ABI3BP: variants seen among roughly 807,000 people sequenced by gnomAD.
The protein encoded by ABI3BP is target of Nesh-SH3.
ABI3BP carries 216 observed loss-of-function variants against 268.6 expected under a neutral mutation model. The ratio of observed to expected loss-of-function variants is 0.80; its 90% CI spans 0.72 to 0.90. ABI3BP has a LOEUF of 0.90. ABI3BP is among the 40% of genes least tolerant of loss of function. The pLI is 0.00. For synonymous variants in ABI3BP, 730 were observed against 730.0 expected, an observed-to-expected ratio of 1.00 and a Z score of 0.00; for missense variants, 2,090 against 2,182.4, an observed-to-expected ratio of 0.96 and a Z score of 0.84.
chr3:100,898,781 T>C lies in ABI3BP; in HGVS notation c.442A>G (p.Ser148Gly). ...TATTACCTGTCATTGGGACAGTGACTTGGCAATGTCCAGTCATGGTGTGGG... is the reference window on the plus strand; with the variant it reads ...TATTACCTGTCATTGGGACAGTGACCTGGCAATGTCCAGTCATGGTGTGGG... ...INPHHDWTLP[S>G]HCPNDRFYTI... Residue 148 changes from serine to glycine, a missense_variant, in exon 4 of 68, where the codon AGT becomes GGT. Physicochemically the swap from Ser to Gly is moderately conservative, Grantham distance 56. Coordinates refer to ENST00000471714, the MANE Select transcript of ABI3BP (RefSeq NM_001375547.2). 1 of 1,613,542 alleles carries C rather than the reference T, an allele frequency of 6.2e-7. No homozygotes were observed. The highest frequency in any genetic ancestry group is 8.5e-7 in the Non-Finnish European group (1 of 1,179,714).
At chr3:100,962,964 T>C (rs2079674123) in intron 1 of ABI3BP, among the ~76,000 whole-genome samples, 1 of 152,158 alleles carries the variant, frequency 6.6e-6, no homozygotes, top group African/African-American at 2.4e-5. Context: ...CACCTCAGAC[T>C]CACTAAGTCT....
intron 3 of ABI3BP, among the ~76,000 whole-genome samples, chr3:100,902,044 A>G (rs1344719892): frequency 6.6e-6 from 1 of 152,140 alleles, no homozygotes; most frequent in African/African-American, 2.4e-5. Context: ...TATTATTTTT[A>G]TTTTATGGAA....
chr3:100,904,873 A>C (rs2052493751), intron 2 of ABI3BP, among the ~76,000 whole-genome samples: 1 of 152,202 alleles, frequency 6.6e-6, no homozygotes, highest in African/African-American at 2.4e-5. Context: ...GGGATCTAGA[A>C]CTAGAAATAC....
intron 26 of ABI3BP, among the ~76,000 whole-genome samples, chr3:100,837,575 G>A (rs1579799617): frequency 6.6e-6 from 1 of 152,232 alleles, no homozygotes; most frequent in Admixed American, 6.5e-5. Context: ...GGCCAACATG[G>A]TGAAACCCCC....
intron 66 of ABI3BP, 33 bp from the exon 67 acceptor site, chr3:100,751,707 ACTTT>A (rs1332855099): frequency 6.5e-7 from 1 of 1,541,946 alleles, no homozygotes; most frequent in African/African-American, 1.4e-5. Context: ...GATAAAGTTT[ACTTT>A]CTTACTTTGA....
At chr3:100,882,427 G>T (rs537614358) in intron 6 of ABI3BP, among the ~76,000 whole-genome samples, 1 of 150,128 alleles carries the variant, frequency 6.7e-6, no homozygotes, top group Admixed American at 6.6e-5. Flanking sequence ...GAGCAGAGAT[G>T]TAAGTTCATA....
At chr3:100,842,144 T>C in intron 20 of ABI3BP, 105 bp from the exon 21 acceptor site, 1 of 934,610 alleles carries the variant, frequency 1.1e-6, no homozygotes, top group Non-Finnish European at 1.6e-6. Flanking sequence ...GGGTGAATGA[T>C]TAGGTTCTAC....
At chr3:100,778,415 C>A in intron 58 of ABI3BP, 39 bp from the exon 59 acceptor site, 4 of 1,535,306 alleles carry the variant, frequency 2.6e-6, no homozygotes, top group Non-Finnish European at 3.5e-6. Flanking sequence ...TAGATAAAGC[C>A]ATCATAAAGA....
At chr3:100,814,683 G>C (rs1312863425) in intron 44 of ABI3BP, among the ~76,000 whole-genome samples, 1 of 152,056 alleles carries the variant, frequency 6.6e-6, no homozygotes, top group Non-Finnish European at 1.5e-5. Context: ...TTCTACCTCT[G>C]TTCCTTATTC....
At chr3:100,902,941 A>G (rs2051167613) in intron 2 of ABI3BP, among the ~76,000 whole-genome samples, 1 of 152,190 alleles carries the variant, frequency 6.6e-6, no homozygotes, top group African/African-American at 2.4e-5. Flanking sequence ...CATACTATAC[A>G]CAGATTTTAA....
At chr3:100,848,026 T>C (rs970969132) in intron 18 of ABI3BP, among the ~76,000 whole-genome samples, 18 of 152,198 alleles carry the variant, frequency 1.2e-4, no homozygotes, top group Admixed American at 3.9e-4. Context: ...CCTACATGTA[T>C]TTTGGGGTCT....
At chr3:100,850,883 C>T in intron 15 of ABI3BP, 149 bp from the exon 16 acceptor site, 2 of 602,130 alleles carry the variant, frequency 3.3e-6, no homozygotes, top group Non-Finnish European at 5.9e-6. Flanking sequence ...ACTAGTGATA[C>T]ATCAGGAGTT....
chr3:100,795,774 CAG>C, intron 53 of ABI3BP, 28 bp downstream of exon 53: 1 of 1,274,638 alleles, frequency 7.8e-7, no homozygotes. Context: ...GCAAAGAAAA[CAG>C]AGTTGGTCAA....
At chr3:100,870,735 T>C (rs2099100957) in intron 9 of ABI3BP, among the ~76,000 whole-genome samples, 1 of 152,156 alleles carries the variant, frequency 6.6e-6, no homozygotes, top group South Asian at 2.1e-4. Flanking sequence ...CTCATAGAGA[T>C]ACATACAGTC....
chr3:100,953,658 G>A (rs2075877043), intron 1 of ABI3BP, among the ~76,000 whole-genome samples: 3 of 152,076 alleles, frequency 2.0e-5, no homozygotes, highest in Admixed American at 1.3e-4. Flanking sequence ...ACAGAGAGAC[G>A]ATTGTCATAC....
Position 100,778,326 on chromosome 3 carries a change from G to A in ABI3BP, c.4291C>T (p.Pro1431Ser). 1.2e-6 allele frequency: 2 copies of A among 1,613,796 alleles called. No homozygotes were observed. Among genetic ancestry groups the A allele is most frequent in the Non-Finnish European group, 8.5e-7 (1 of 1,179,812 alleles). The change falls in exon 59 of 68, where the codon CCT (proline) becomes TCT (serine). Residue 1431 changes from proline to serine, a missense_variant. By Grantham distance (74) the Pro-to-Ser change is moderately conservative. Transcript: ENST00000471714. ...PPRPTHPRRK[P>S]LPPNNVTGKP... ...CCAGTGACATTATTTGGTGGTAAAG[G>A]TTTTCTTCGTGGGTGTGTAGGTCTG...
At chr3:100,765,769 C>T in intron 63 of ABI3BP, 72 bp downstream of exon 63, 1 of 1,168,210 alleles carries the variant, frequency 8.6e-7, no homozygotes, top group African/African-American at 1.5e-5. Context: ...AGATGATTAT[C>T]ATTTCTTTCC....
chr3:100,881,406 A>G (rs1345876481), intron 6 of ABI3BP, among the ~76,000 whole-genome samples: 1 of 152,112 alleles, frequency 6.6e-6, no homozygotes, highest in Non-Finnish European at 1.5e-5. Context: ...GGAAAATAAA[A>G]AAGATAAAAA....
chr3:100,862,221 A>G, intron 14 of ABI3BP, 90 bp downstream of exon 14: 1 of 847,228 alleles, frequency 1.2e-6, no homozygotes, highest in Non-Finnish European at 1.8e-6. Context: ...TACAAAGCAT[A>G]ATGATAATCA....
Sources: allele counts gnomAD v4.1 joint callset (sites outside exome capture counted in the v4.1 genomes callset), GRCh38; gene constraint gnomAD v4.1.1; transcripts MANE v1.5; gene names NCBI Gene and HGNC (gene_info 2026-07-23, HGNC 2026-07-21).